RALGPS2: variants seen among roughly 807,000 people sequenced by gnomAD.
The protein encoded by RALGPS2 is Ral GEF with PH domain and SH3 binding motif 2.
In RALGPS2, 43 loss-of-function variants were observed where a neutral mutation model predicts 86.8. The observed-to-expected ratio is 0.50, with a 90% CI of 0.39 to 0.64. The LOEUF (loss-of-function observed/expected upper bound fraction) is 0.64, where lower values mean the gene tolerates loss of function less well. RALGPS2 is among the 30% of genes least tolerant of loss of function. The pLI is 0.00. For missense variants in RALGPS2, 536 were observed against 694.6 expected (o/e 0.77, Z 2.57); for synonymous variants, 243 against 231.3 (o/e 1.05, Z -0.46).
At chr1:178,780,362 G>A (rs558900504) in intron 2 of RALGPS2, among the ~76,000 whole-genome samples, 1 of 152,118 alleles carries the variant, frequency 6.6e-6, no homozygotes, top group East Asian at 1.9e-4. Context: ...ATTATTTCTT[G>A]TCTAGATTAG....
intron 19 of RALGPS2, among the ~76,000 whole-genome samples, chr1:178,909,902 G>A (rs769220275): frequency 3.9e-5 from 6 of 151,940 alleles, no homozygotes; most frequent in Admixed American, 2.0e-4. Flanking sequence ...ACCCACCTCC[G>A]CCTCCCAAAG....
At chr1:178,854,250 A>G (rs1002399547) in intron 8 of RALGPS2, among the ~76,000 whole-genome samples, 3 of 152,160 alleles carry the variant, frequency 2.0e-5, no homozygotes, top group African/African-American at 7.2e-5. Flanking sequence ...GGATCGATCT[A>G]CTGGATCAGA....
chr1:178,780,323 A>G (rs1359071387), intron 2 of RALGPS2, among the ~76,000 whole-genome samples: 2 of 151,992 alleles, frequency 1.3e-5, no homozygotes, highest in African/African-American at 4.8e-5. Flanking sequence ...TATTTCTATT[A>G]CTGTACTACC....
At chr1:178,833,313 A>T in intron 7 of RALGPS2, 111 bp from the exon 8 acceptor site, 1 of 1,029,870 alleles carries the variant, frequency 9.7e-7, no homozygotes, top group Non-Finnish European at 1.3e-6. Context: ...TAAAGAAGAT[A>T]TAACTTTGAA....
In RALGPS2 at chr1:178,776,779, CG is replaced by C; in HGVS notation, c.18del (p.Gln7ArgfsTer21). The C allele has an allele frequency of 6.2e-7, 1 of 1,612,224 alleles. No homozygotes were observed. The highest frequency in any genetic ancestry group is 2.2e-5 in the East Asian group (1 of 44,784). The stretch of plus-strand genomic sequence containing the variant: ...ATGAGGAAAGCATGGACCTAATGAA[CG>C]GGCAGGCAAGCAGTGTCAATATTGC... MDLMN[G>X]QASSVNIAAT... is the part of the protein sequence containing the mutation. On this transcript the variant is annotated frameshift_variant, in exon 2 of 20. Coordinates refer to ENST00000367635, the MANE Select transcript of RALGPS2 (RefSeq NM_152663.5). LOFTEE classifies it high-confidence loss of function.
chr1:178,732,165 G>A (rs1219579134), intron 1 of RALGPS2, among the ~76,000 whole-genome samples: 2 of 151,398 alleles, frequency 1.3e-5, no homozygotes, highest in Admixed American at 1.3e-4. Flanking sequence ...GGTTTGAGAA[G>A]GAATAATACA....
intron 4 of RALGPS2, among the ~76,000 whole-genome samples, chr1:178,790,077 T>C (rs1310616000): frequency 1.3e-5 from 2 of 152,196 alleles, no homozygotes; most frequent in African/African-American, 4.8e-5. Flanking sequence ...GCCTCCCAAG[T>C]AGCTGGGACC....
chr1:178,774,415 A>T (rs759607479), intron 1 of RALGPS2, among the ~76,000 whole-genome samples: 2 of 152,374 alleles, frequency 1.3e-5, no homozygotes, highest in South Asian at 2.1e-4. Context: ...TAAGTTAAAG[A>T]TATAACTCCT....
chr1:178,892,166 AT>A, intron 14 of RALGPS2, 63 bp from the exon 15 acceptor site: 1 of 1,374,002 alleles, frequency 7.3e-7, no homozygotes, highest in African/African-American at 1.4e-5. Flanking sequence ...TGTTCTAGGT[AT>A]TGATAATGAC....
intron 1 of RALGPS2, among the ~76,000 whole-genome samples, chr1:178,746,035 T>A (rs1038333298): frequency 1.9e-4 from 29 of 152,034 alleles, no homozygotes; most frequent in African/African-American, 7.0e-4. Flanking sequence ...TTGGCCAGGC[T>A]GGTCTCGACC....
intron 8 of RALGPS2, among the ~76,000 whole-genome samples, chr1:178,875,372 A>C (rs560647841): frequency 6.6e-6 from 1 of 152,342 alleles, no homozygotes; most frequent in South Asian, 2.1e-4. Flanking sequence ...TGAAGGGAGG[A>C]CAAGGATGTT....
chr1:178,783,255 A>G (rs997114584), intron 2 of RALGPS2, among the ~76,000 whole-genome samples: 3 of 152,202 alleles, frequency 2.0e-5, no homozygotes, highest in African/African-American at 7.2e-5. Flanking sequence ...CTGGTGACCA[A>G]TAGACAGCCA....
intron 8 of RALGPS2, among the ~76,000 whole-genome samples, chr1:178,862,492 A>G (rs924658287): frequency 1.3e-5 from 2 of 152,148 alleles, no homozygotes; most frequent in African/African-American, 4.8e-5. Context: ...ACTATACAAA[A>G]TGTCTTATGT....
chr1:178,773,191 T>G (rs1235925660), intron 1 of RALGPS2, among the ~76,000 whole-genome samples: 1 of 152,156 alleles, frequency 6.6e-6, no homozygotes, highest in Non-Finnish European at 1.5e-5. Flanking sequence ...TCTAAAAAAA[T>G]GTAAACAGTT....
At chr1:178,866,367 G>A (rs1658411248) in intron 8 of RALGPS2, among the ~76,000 whole-genome samples, 1 of 152,030 alleles carries the variant, frequency 6.6e-6, no homozygotes, top group African/African-American at 2.4e-5. Flanking sequence ...AAGATTTTAG[G>A]GAAATCTAAA....
intron 3 of RALGPS2, 28 bp downstream of exon 3, chr1:178,784,550 G>A: frequency 6.7e-7 from 1 of 1,502,212 alleles, no homozygotes; most frequent in South Asian, 1.3e-5. Flanking sequence ...GTCTTCTCCG[G>A]TTTTGCACAT....
At chr1:178,822,326 GT>G (rs1463590294) in intron 7 of RALGPS2, among the ~76,000 whole-genome samples, 2 of 151,746 alleles carry the variant, frequency 1.3e-5, no homozygotes, top group African/African-American at 4.8e-5. Flanking sequence ...TTTTCAGGTA[GT>G]TTTCATTTAT....
intron 2 of RALGPS2, among the ~76,000 whole-genome samples, chr1:178,780,972 T>C (rs1380249228): frequency 1.3e-5 from 2 of 152,078 alleles, no homozygotes; most frequent in Non-Finnish European, 2.9e-5. Flanking sequence ...AATATATGTT[T>C]GTTTTCTTTG....
At chr1:178,741,265 GT>G (rs1446697644) in intron 1 of RALGPS2, among the ~76,000 whole-genome samples, 1 of 152,188 alleles carries the variant, frequency 6.6e-6, no homozygotes, top group Non-Finnish European at 1.5e-5. Flanking sequence ...GGATGTTTCT[GT>G]TACTTTCATT....
Sources: allele counts gnomAD v4.1 joint callset (sites outside exome capture counted in the v4.1 genomes callset), GRCh38; gene constraint gnomAD v4.1.1; transcripts MANE v1.5; gene names NCBI Gene and HGNC (gene_info 2026-07-23, HGNC 2026-07-21).